The following MEI1 variants were observed in gnomAD, a reference collection of about 807,000 sequenced individuals.
The protein encoded by MEI1 is meiotic double-stranded break formation protein 1.
MEI1 carries 103 observed loss-of-function variants against 146.2 expected under a neutral mutation model. That is an observed-to-expected ratio of 0.70 (90% CI 0.60 to 0.83). MEI1 has a LOEUF of 0.83. MEI1 is among the 40% of genes least tolerant of loss of function. The probability of loss-of-function intolerance (pLI) is 0.00; values close to 1 mark genes in which losing one functional copy is unlikely to be tolerated. For synonymous variants in MEI1, 652 were observed against 628.2 expected (o/e 1.04, Z -0.57); for missense variants, 1,529 against 1,533.0 (o/e 1.00, Z 0.04).
chr22:41,760,119 C>G (rs971823336), intron 18 of MEI1, among the ~76,000 whole-genome samples: 8 of 151,862 alleles, frequency 5.3e-5, no homozygotes, highest in African/African-American at 1.9e-4. Flanking sequence ...ACCATCATGG[C>G]TAACACGGTG....
Position 41,781,860 on chromosome 22 carries a change from C to T in MEI1, c.3087+15C>T. 1 of 1,613,232 alleles carries T rather than the reference C, an allele frequency of 6.2e-7. No homozygotes were observed. Among genetic ancestry groups the T allele is most frequent in the Non-Finnish European group, 8.5e-7 (1 of 1,179,382 alleles). On this transcript the variant is annotated intron_variant, in intron 24 of 30. Coordinates refer to ENST00000401548, the MANE Select transcript of MEI1 (RefSeq NM_152513.4). The stretch of plus-strand genomic sequence containing the variant: ...GCAGTTTGCAGGTTAGTCTTTAACT[C>T]CTGTGGCTTTGAGGCATGGGGTGGC...
chr22:41,781,378 C>T lies in MEI1; in HGVS notation c.2910C>T (p.Pro970=). 6.2e-7 allele frequency: 1 copy of T among 1,612,990 alleles called. No homozygotes were observed. The highest frequency in any genetic ancestry group is 8.5e-7 in the Non-Finnish European group (1 of 1,179,532). Residue 970 remains proline, a synonymous_variant, in exon 23 of 31, where the codon CCC becomes CCT. Coordinates refer to ENST00000401548, the MANE Select transcript of MEI1 (RefSeq NM_152513.4). Reference sequence around the variant, plus strand: ...ATTGGAGCCTTCATCAGACCACACCCAGCAGTCAGAAAAGAGGTGCAGGGG... The same window carrying T: ...ATTGGAGCCTTCATCAGACCACACCTAGCAGTCAGAAAAGAGGTGCAGGGG... The part of the protein sequence containing the change: ...FLYWSLHQTT[P]SSQKRAAAVL...
intron 5 of MEI1, among the ~76,000 whole-genome samples, 161 bp downstream of exon 5, chr22:41,716,307 GA>G (rs2070147711): frequency 6.8e-6 from 1 of 147,588 alleles, no homozygotes; most frequent in Non-Finnish European, 1.5e-5. Context: ...CGGTCAATTT[GA>G]AAAAGGTCAG....
chr22:41,731,603 C>A (rs2071874125), intron 9 of MEI1, among the ~76,000 whole-genome samples: 1 of 152,204 alleles, frequency 6.6e-6, no homozygotes, highest in Admixed American at 6.5e-5. Flanking sequence ...GGTGATCTGC[C>A]TGCCTCGGCC....
Position 41,730,521 on chromosome 22 carries a change from A to C in MEI1, c.980A>C (p.Glu327Ala). 3 of 1,606,388 alleles carry C rather than the reference A, an allele frequency of 1.9e-6. No homozygotes were observed. The highest frequency in any genetic ancestry group is 2.6e-6 in the Non-Finnish European group (3 of 1,173,104). The change falls in exon 9 of 31, where the codon GAG (glutamate) becomes GCG (alanine). Residue 327 changes from glutamate to alanine, a missense_variant and splice_region_variant. Physicochemically the swap from Glu to Ala is moderately radical, Grantham distance 107. This residue lies in a region of MEI1 where 1,212 missense variants were observed against 1,178.9 expected (regional missense o/e 1.03). Transcript: ENST00000401548. The stretch of plus-strand genomic sequence containing the variant: ...GTTTTCTCATCCTCTCCCTTGTTAG[A>C]GTTCCTCTTTGAGCATCTTTCTTCT... ...ASAFIHADIP[E>A]FLFEHLSSSS... is the part of the protein sequence containing the mutation.
rs765687960 is a variant in MEI1, at chr22:41,718,126, A to G, written c.585A>G (p.Gln195=). The change falls in exon 6 of 31, where the codon CAA becomes CAG. Residue 195 remains glutamine, a synonymous_variant. Coordinates refer to ENST00000401548, the MANE Select transcript of MEI1 (RefSeq NM_152513.4). ...RGLVYPSEGI[Q]ASVCYLYGKL... is the part of the protein sequence containing the mutation. ...TAGTATACCCCAGTGAGGGCATACA[A>G]GCTTCTGTCTGTTACCTTTATGGGA... The G allele has an allele frequency of 4.3e-6, 7 of 1,613,720 alleles. No individual in the cohort carries two copies. Among genetic ancestry groups the G allele is most frequent in the Non-Finnish European group, 5.9e-6 (7 of 1,179,878 alleles).
chr22:41,735,227 G>GTTTT (rs1279915415), intron 11 of MEI1, among the ~76,000 whole-genome samples: 13 of 85,486 alleles, frequency 1.5e-4, no homozygotes, highest in Non-Finnish European at 2.0e-4. Flanking sequence ...CTCCCAAAGT[G>GTTTT]TTTTTTTTTT....
intron 21 of MEI1, among the ~76,000 whole-genome samples, chr22:41,777,994 C>CCTCCTCCTTCCTTCCTT (rs2075554957): frequency 2.0e-5 from 3 of 151,026 alleles, no homozygotes; most frequent in Middle Eastern, 3.2e-3. Flanking sequence ...TCCCCTCCCT[C>CCTCCTCCTTCCTTCCTT]CTCCTCCTTC....
Position 41,732,473 on chromosome 22 carries a change from C to T in MEI1, c.1201C>T (p.Pro401Ser), listed in dbSNP as rs1276714125. The T allele has an allele frequency of 6.2e-7, 1 of 1,613,796 alleles. No homozygotes were observed. The highest frequency in any genetic ancestry group is 1.7e-5 in the Admixed American group (1 of 60,002). ...LLFAEILTRQ[P>S]EEIKLFTSSA... is the part of the protein sequence containing the mutation. ...TTCTCATCTTCCATTTCTCAGGCAGCCAGAGGAGATCAAGCTGTTCACAAG... is the reference window on the plus strand; with the variant it reads ...TTCTCATCTTCCATTTCTCAGGCAGTCAGAGGAGATCAAGCTGTTCACAAG... The change falls in exon 11 of 31, where the codon CCA becomes TCA. Residue 401 changes from proline to serine, a missense_variant. This residue lies in a region of MEI1 where 1,212 missense variants were observed against 1,178.9 expected (regional missense o/e 1.03). Coordinates refer to ENST00000401548, the MANE Select transcript of MEI1 (RefSeq NM_152513.4).
At chr22:41,771,086 G>C in intron 20 of MEI1, 125 bp downstream of exon 20, 2 of 1,061,230 alleles carry the variant, frequency 1.9e-6, no homozygotes, top group Non-Finnish European at 2.7e-6. Flanking sequence ...ATCACTGTCT[G>C]CATGTGAGTT....
intron 18 of MEI1, among the ~76,000 whole-genome samples, chr22:41,762,372 C>G (rs973364743): frequency 6.6e-6 from 1 of 150,586 alleles, no homozygotes; most frequent in Non-Finnish European, 1.5e-5. Context: ...CTTACCTTCC[C>G]CTTCCCCCTT....
intron 19 of MEI1, among the ~76,000 whole-genome samples, chr22:41,766,684 C>T (rs893620511): frequency 8.5e-5 from 13 of 152,074 alleles, no homozygotes; most frequent in African/African-American, 3.1e-4. Context: ...GTAGCTGGTA[C>T]CACAGGCATG....
chr22:41,705,961 G>C (rs1569141457), intron 3 of MEI1, among the ~76,000 whole-genome samples: 1 of 152,076 alleles, frequency 6.6e-6, no homozygotes, highest in African/African-American at 2.4e-5. Flanking sequence ...GCCTGCCTCA[G>C]CCTCCCAAAG....
intron 7 of MEI1, among the ~76,000 whole-genome samples, chr22:41,727,019 C>G (rs960122034): frequency 1.3e-4 from 19 of 151,838 alleles, no homozygotes; most frequent in African/African-American, 4.6e-4. Context: ...GTGATCCACC[C>G]GCCTCAGCCT....
chr22:41,741,068 G>A (rs979303674), intron 11 of MEI1, among the ~76,000 whole-genome samples: 1 of 152,156 alleles, frequency 6.6e-6, no homozygotes, highest in African/African-American at 2.4e-5. Context: ...GCGCCACCAT[G>A]CCCAGCTAAA....
intron 19 of MEI1, 46 bp downstream of exon 19, chr22:41,763,367 ACATTAGTGTTCCCTGGGAGAC>A (rs2074631631): frequency 6.3e-7 from 1 of 1,596,300 alleles, no homozygotes; most frequent in African/African-American, 1.3e-5. Flanking sequence ...GTACCTCTTT[ACATTAGTGTTCCCTGGGAGAC>A]CATGATGATG....
intron 20 of MEI1, among the ~76,000 whole-genome samples, chr22:41,773,725 A>G (rs1294189196): frequency 6.6e-6 from 1 of 151,998 alleles, no homozygotes; most frequent in African/African-American, 2.4e-5. Flanking sequence ...AATACAAAAA[A>G]TTAGCCGGGC....
At chr22:41,776,520 C>T (rs1282311676) in intron 21 of MEI1, among the ~76,000 whole-genome samples, 1 of 152,212 alleles carries the variant, frequency 6.6e-6, no homozygotes, top group Admixed American at 6.5e-5. Context: ...TATCCCCACC[C>T]TGTGCAGCAT....
At chr22:41,764,487 G>A (rs1240578823) in intron 19 of MEI1, among the ~76,000 whole-genome samples, 8 of 152,132 alleles carry the variant, frequency 5.3e-5, no homozygotes, top group Non-Finnish European at 5.9e-5. Context: ...ATTAAACCAG[G>A]TCTACTCTCA....
Sources: allele counts gnomAD v4.1 joint callset (sites outside exome capture counted in the v4.1 genomes callset), GRCh38; gene constraint gnomAD v4.1.1; regional missense constraint gnomAD v4.1.1; transcripts MANE v1.5; gene names NCBI Gene and HGNC (gene_info 2026-07-23, HGNC 2026-07-21).